CUBN: variants seen among roughly 807,000 people sequenced by gnomAD.
CUBN encodes the protein 460 kDa receptor.
CUBN carries 282 observed loss-of-function variants against 405.3 expected under a neutral mutation model. The ratio of observed to expected loss-of-function variants is 0.70; its 90% confidence interval spans 0.63 to 0.77. The LOEUF (loss-of-function observed/expected upper bound fraction) is 0.77, where lower values mean the gene tolerates loss of function less well. CUBN is among the 30% of genes least tolerant of loss of function. CUBN has a pLI of 0.00. For synonymous variants in CUBN, 1,684 were observed against 1,617.0 expected (o/e 1.04, Z -0.99); for missense variants, 4,514 against 4,475.2 (o/e 1.01, Z -0.25).
At chr10:16,999,171 TATAA>T (rs200927869) in intron 28 of CUBN, among the ~76,000 whole-genome samples, 2,119 of 152,310 alleles carry the variant, frequency 0.014, 19 homozygotes, top group Non-Finnish European at 0.024. Flanking sequence ...CAAGATGTCA[TATAA>T]ATACTCAAAG....
Position 17,042,353 on chromosome 10 carries a change from T to C in CUBN, c.3830-1133A>G, listed in dbSNP as rs565189499. On this transcript the variant is annotated intron_variant, in intron 26 of 66. Coordinates refer to ENST00000377833, the MANE Select transcript of CUBN (RefSeq NM_001081.4). ...AGGGGCAACACAGGGCCCAGGAAAA[T>C]ACATTCCAGTAAACCACATGGGCCA... Among the ~76,000 whole-genome samples the C allele has an allele frequency of 2.0e-5, 3 of 152,178 alleles. No homozygotes were observed. In the East Asian group the frequency reaches 5.8e-4, roughly 29 times the overall value.
At chr10:17,012,977 T>C (rs1482642427) in intron 28 of CUBN, among the ~76,000 whole-genome samples, 1 of 152,216 alleles carries the variant, frequency 6.6e-6, no homozygotes, top group Non-Finnish European at 1.5e-5. Flanking sequence ...TAAGGATGTT[T>C]GATAGGAATG....
chr10:16,957,571 A>G (rs1486508709), intron 31 of CUBN, among the ~76,000 whole-genome samples: 2 of 152,196 alleles, frequency 1.3e-5, no homozygotes, highest in Admixed American at 6.5e-5. Context: ...TCCCAATTAG[A>G]AAATAATAAG....
chr10:16,949,257 G>T (rs1842860493), intron 34 of CUBN, among the ~76,000 whole-genome samples: 1 of 152,176 alleles, frequency 6.6e-6, no homozygotes, highest in Admixed American at 6.5e-5. Context: ...TGTGCATAGG[G>T]TGTGGAGAGT....
chr10:16,984,096 C>T lies in CUBN; in HGVS notation c.4525+9G>A, dbSNP rs750228684. The T allele has an allele frequency of 1.4e-5, 22 of 1,614,042 alleles. No individual in the cohort carries two copies. Among genetic ancestry groups the T allele is most frequent in the Non-Finnish European group, 1.9e-5 (22 of 1,180,006 alleles). On this transcript the variant is annotated intron_variant, in intron 30 of 66. Coordinates refer to ENST00000377833, the MANE Select transcript of CUBN (RefSeq NM_001081.4). ...TAAGTACTTTAGGAAACCTCCTTTT[C>T]TCACTCACCTCCAGTGACTGCTTGC...
chr10:17,108,934 A>C (rs999274203), intron 10 of CUBN, among the ~76,000 whole-genome samples: 4 of 152,226 alleles, frequency 2.6e-5, no homozygotes, highest in African/African-American at 4.8e-5. Context: ...GCCCAGTGAA[A>C]ATGTGGAAAG....
intron 6 of CUBN, among the ~76,000 whole-genome samples, chr10:17,119,668 A>G (rs1836990302): frequency 6.6e-6 from 1 of 152,152 alleles, no homozygotes; most frequent in Non-Finnish European, 1.5e-5. Flanking sequence ...ACAAAAACAA[A>G]CAAAACAAAA....
At chr10:16,886,086 C>A (rs1314973937) in intron 56 of CUBN, among the ~76,000 whole-genome samples, 1 of 152,156 alleles carries the variant, frequency 6.6e-6, no homozygotes, top group Non-Finnish European at 1.5e-5. Flanking sequence ...TTTTATGGTA[C>A]TGGGATTTTG....
chr10:17,124,435 T>C (rs555460473), intron 4 of CUBN, among the ~76,000 whole-genome samples: 2 of 152,256 alleles, frequency 1.3e-5, no homozygotes, highest in Middle Eastern at 3.4e-3. Context: ...TTGATTTTTT[T>C]TTCTTTTTTT....
intron 31 of CUBN, among the ~76,000 whole-genome samples, chr10:16,955,582 G>A (rs7919493): frequency 0.69 from 104,226 of 151,742 alleles, 36,413 homozygotes; most frequent in African/African-American, 0.82. Context: ...CTCAGTGTCT[G>A]GATGAATTTT....
intron 9 of CUBN, among the ~76,000 whole-genome samples, chr10:17,110,009 TAAGA>T (rs1836733563): frequency 1.3e-5 from 2 of 152,178 alleles, no homozygotes; most frequent in Non-Finnish European, 2.9e-5. Context: ...GTGCTGACAC[TAAGA>T]AAGTTAATAT....
In CUBN at chr10:17,071,598, C is replaced by T. The variant is rs1399722584; in HGVS notation, c.2453G>A (p.Gly818Glu). 1 of 1,613,354 alleles carries T rather than the reference C, an allele frequency of 6.2e-7. No individual in the cohort carries two copies. The highest frequency in any genetic ancestry group is 1.1e-5 in the South Asian group (1 of 91,060). ...GACCCCTTCTCCAGTTAATTCATCC[C>T]CGCAAGCTGTAAGCATAAAAATTAT... ...SFRAVYQVAC[G>E]DELTGEGVIR... is the part of the protein sequence containing the mutation. Residue 818 changes from glycine to glutamate, a missense_variant, in exon 19 of 67, where the codon GGG (glycine) becomes GAG (glutamate). This residue lies in a region of CUBN where 1,448 missense variants were observed against 1,388.0 expected (regional missense o/e 1.04). Transcript: ENST00000377833.
chr10:17,006,122 C>G (rs753620232), intron 28 of CUBN, among the ~76,000 whole-genome samples: 2 of 152,184 alleles, frequency 1.3e-5, no homozygotes, highest in African/African-American at 2.4e-5. Flanking sequence ...GCTGCTTAAG[C>G]CTCCCAATCT....
intron 56 of CUBN, among the ~76,000 whole-genome samples, chr10:16,881,529 A>G (rs1250930542): frequency 6.6e-6 from 1 of 152,242 alleles, no homozygotes; most frequent in Admixed American, 6.5e-5. Context: ...AAGGGATTTT[A>G]GATTTTTTGT....
rs185527873 is a variant in CUBN at position 16,907,668 on chromosome 10, G to A, written c.7545C>T (p.Gly2515=). 6.2e-7 allele frequency: 1 copy of A among 1,612,002 alleles called. No homozygotes were observed. Among genetic ancestry groups the A allele is most frequent in the East Asian group, 2.2e-5 (1 of 44,872 alleles). Residue 2515 remains glycine, a synonymous_variant, in exon 49 of 67, where the codon GGC becomes GGT. Transcript: ENST00000377833. ...CTAGCTGGGGTGAGTTACTTCTAAT[G>A]CCATTGAATACCTGTTGGAAAAAGA... ...CNNEHVIVFN[G]IRSNSPQLEK...
At chr10:17,017,504 T>C (rs772766962) in intron 28 of CUBN, among the ~76,000 whole-genome samples, 18 of 152,174 alleles carry the variant, frequency 1.2e-4, no homozygotes, top group Non-Finnish European at 2.1e-4. Context: ...CAGAGGGCCA[T>C]ATCCTGAGGA....
intron 58 of CUBN, among the ~76,000 whole-genome samples, chr10:16,872,617 T>C (rs1276006052): frequency 6.6e-6 from 1 of 152,124 alleles, no homozygotes; most frequent in East Asian, 1.9e-4. Context: ...AAACAGGAGC[T>C]CACCAGACAA....
intron 28 of CUBN, among the ~76,000 whole-genome samples, chr10:17,008,524 C>A (rs549391772): frequency 7.9e-4 from 119 of 150,948 alleles, no homozygotes; most frequent in African/African-American, 2.8e-3. Flanking sequence ...TGTTTCTCTT[C>A]GACTCAGTTC....
chr10:16,962,976 T>C (rs1404182772), intron 31 of CUBN, among the ~76,000 whole-genome samples: 1 of 152,126 alleles, frequency 6.6e-6, no homozygotes, highest in East Asian at 1.9e-4. Flanking sequence ...TCAAGTCACA[T>C]GCTGTACTGC....
Sources: gnomAD v4.1 joint callset for allele counts (sites outside exome capture counted in the v4.1 genomes callset) on GRCh38, gnomAD v4.1.1 for gene constraint, gnomAD v4.1.1 regional missense constraint, MANE v1.5 for transcripts, NCBI Gene and HGNC (gene_info 2026-07-23, HGNC 2026-07-21) for gene names.